RP2: variants seen among roughly 807,000 people sequenced by gnomAD.
The protein encoded by RP2 is protein XRP2.
Under a neutral mutation model 20.3 loss-of-function variants are expected in RP2, and 3 were observed. The ratio of observed to expected loss-of-function variants is 0.15; its 90% CI spans 0.07 to 0.38. RP2 has a LOEUF of 0.38. RP2 is among the 10% of genes least tolerant of loss of function. The pLI is 1.00. For synonymous variants in RP2, 75 were observed against 94.8 expected (o/e 0.79, Z 1.22); for missense variants, 233 against 268.5 (o/e 0.87, Z 0.92).
chrX:46,864,387 T>C (rs1925130570), intron 3 of RP2, among the ~76,000 whole-genome samples: 1 of 103,949 alleles, frequency 9.6e-6, no homozygotes, highest in South Asian at 4.5e-4. Context: ...CACTGTGTTG[T>C]CCAGGCTAGA....
intron 2 of RP2, 64 bp from the exon 3 acceptor site, chrX:46,859,924 A>C: frequency 6.4e-6 from 5 of 779,081 alleles, no homozygotes; most frequent in Admixed American, 2.4e-5. Context: ...ATACTAGAAT[A>C]GGAAATCATT....
chrX:46,874,439 A>T (rs782625855), intron 3 of RP2, among the ~76,000 whole-genome samples: 1 of 111,550 alleles, frequency 9.0e-6, no homozygotes, highest in African/African-American at 3.3e-5. Flanking sequence ...TTCAGTATTT[A>T]TTAGGTTTAA....
At chrX:46,871,317 C>T (rs782193298) in intron 3 of RP2, among the ~76,000 whole-genome samples, 3 of 111,559 alleles carry the variant, frequency 2.7e-5, no homozygotes, top group East Asian at 5.6e-4. Context: ...CCACCACACC[C>T]GGCCACTCAT....
At chrX:46,877,120 C>A (rs192432377) in intron 3 of RP2, among the ~76,000 whole-genome samples, 208 of 112,020 alleles carry the variant, frequency 1.9e-3, no homozygotes, top group South Asian at 2.2e-3. Context: ...GGCTGCCTGG[C>A]AAAACCTACT....
intron 2 of RP2, among the ~76,000 whole-genome samples, chrX:46,854,909 T>TG (rs1338632321): frequency 9.1e-6 from 1 of 110,249 alleles, no homozygotes; most frequent in African/African-American, 3.3e-5. Flanking sequence ...GAACTATAGG[T>TG]GGGCGCCACC....
chrX:46,840,972 A>G (rs1267268906), intron 1 of RP2, among the ~76,000 whole-genome samples: 1 of 112,335 alleles, frequency 8.9e-6, no homozygotes, highest in Non-Finnish European at 1.9e-5. Flanking sequence ...TAAAGCAGCC[A>G]ATTTGTGCAC....
intron 1 of RP2, among the ~76,000 whole-genome samples, chrX:46,839,034 C>G (rs183138364): frequency 9.3e-4 from 104 of 111,490 alleles, no homozygotes; most frequent in African/African-American, 3.2e-3. Flanking sequence ...CTCAGCCAAT[C>G]AAAATGAGAA....
At chrX:46,839,833 T>A (rs1924584745) in intron 1 of RP2, among the ~76,000 whole-genome samples, 1 of 112,370 alleles carries the variant, frequency 8.9e-6, no homozygotes, top group South Asian at 3.6e-4. Context: ...GCATATACAG[T>A]TTTAAAGTTA....
intron 1 of RP2, among the ~76,000 whole-genome samples, chrX:46,846,944 G>T (rs1192847261): frequency 9.0e-6 from 1 of 111,588 alleles, no homozygotes; most frequent in Non-Finnish European, 1.9e-5. Context: ...GCTCAGGCTG[G>T]TCTGAAACTC....
At chrX:46,847,745 TGTGTGTGTGTATATACACAC>T (rs1569531371) in intron 1 of RP2, among the ~76,000 whole-genome samples, 36 of 80,040 alleles carry the variant, frequency 4.5e-4, no homozygotes, top group African/African-American at 2.0e-3. Flanking sequence ...TACACACATA[TGTGTGTGTGTATATACACAC>T]ATGTGTGTGT....
chrX:46,863,998 C>T (rs1287517750), intron 3 of RP2, among the ~76,000 whole-genome samples: 1 of 111,676 alleles, frequency 9.0e-6, no homozygotes, highest in Non-Finnish European at 1.9e-5. Context: ...TCCTCAGAAC[C>T]ATCCAGGGTG....
At chrX:46,850,951 C>T (rs782417735) in intron 1 of RP2, among the ~76,000 whole-genome samples, 3 of 111,232 alleles carry the variant, frequency 2.7e-5, no homozygotes, top group Non-Finnish European at 3.8e-5. Flanking sequence ...TTTCAAGATC[C>T]GGTTGCTTAT....
At chrX:46,860,129 T>C in intron 3 of RP2, 27 bp downstream of exon 3, 4 of 1,027,675 alleles carry the variant, frequency 3.9e-6, no homozygotes, top group Non-Finnish European at 4.1e-6. Flanking sequence ...TGGTATACTT[T>C]TGTGGATATT....
intron 1 of RP2, among the ~76,000 whole-genome samples, chrX:46,847,946 A>G (rs1924787669): frequency 2.0e-5 from 2 of 100,727 alleles, no homozygotes; most frequent in South Asian, 8.9e-4. Flanking sequence ...ATATATATAT[A>G]TATATATATA....
intron 1 of RP2, among the ~76,000 whole-genome samples, chrX:46,847,282 A>G (rs1378466626): frequency 6.3e-5 from 7 of 111,073 alleles, no homozygotes; most frequent in African/African-American, 9.8e-5. Context: ...CCCCTGTTAT[A>G]TATATGTTTT....
chrX:46,842,058 G>A (rs1197031665), intron 1 of RP2, among the ~76,000 whole-genome samples: 1 of 111,537 alleles, frequency 9.0e-6, no homozygotes, highest in Non-Finnish European at 1.9e-5. Context: ...GATTATAGGC[G>A]CGTGCCACCA....
In RP2 at chrX:46,853,641, A is replaced by G. The variant is rs782256327; in HGVS notation, c.268A>G (p.Ile90Val). ...TACCATTGATGACTGTACTAACTGCATAATTTTTCTGGGACCCGTGAAAGG... is the reference window on the plus strand; with the variant it reads ...TACCATTGATGACTGTACTAACTGCGTAATTTTTCTGGGACCCGTGAAAGG... Reference protein sequence around the residue: ...TVTIDDCTNCIIFLGPVKGSV... With the variant: ...TVTIDDCTNCVIFLGPVKGSV... The change falls in exon 2 of 5, where the codon ATA (isoleucine) becomes GTA (valine). Residue 90 changes from isoleucine (I) to valine (V), a missense_variant. Around this residue, in one of 3 missense-constraint regions of RP2, gnomAD observed 77 missense variants for 71.8 expected, o/e 1.07. Transcript: ENST00000218340. 5.8e-6 allele frequency: 7 copies of G among 1,211,976 alleles called. No individual in the cohort carries two copies. The highest frequency in any genetic ancestry group is 7.8e-6 in the Non-Finnish European group (7 of 895,592).
intron 3 of RP2, among the ~76,000 whole-genome samples, chrX:46,877,121 A>G (rs782417000): frequency 8.9e-5 from 10 of 112,227 alleles, no homozygotes; most frequent in Non-Finnish European, 1.9e-4. Flanking sequence ...GCTGCCTGGC[A>G]AAACCTACTT....
intron 3 of RP2, among the ~76,000 whole-genome samples, chrX:46,861,537 A>G (rs1385369950): frequency 9.0e-6 from 1 of 111,708 alleles, no homozygotes; most frequent in African/African-American, 3.3e-5. Flanking sequence ...AATTTGGGAC[A>G]ATTTAACAAT....
Sources: allele counts gnomAD v4.1 joint callset (sites outside exome capture counted in the v4.1 genomes callset), GRCh38; gene constraint gnomAD v4.1.1; regional missense constraint gnomAD v4.1.1; transcripts MANE v1.5; gene names NCBI Gene and HGNC (gene_info 2026-07-23, HGNC 2026-07-21).